ELAPOR1: variants seen among roughly 807,000 people sequenced by gnomAD.
ELAPOR1 encodes the protein endosome-lysosome associated apoptosis and autophagy regulator 1.
Under a neutral mutation model 119.7 loss-of-function variants are expected in ELAPOR1, and 77 were observed. The observed-to-expected ratio is 0.64, with a 90% CI of 0.54 to 0.78. ELAPOR1 has a LOEUF of 0.78. ELAPOR1 is among the 30% of genes least tolerant of loss of function. The pLI, the probability that ELAPOR1 is intolerant of heterozygous loss-of-function variation, is 0.00. For synonymous variants in ELAPOR1, 481 were observed against 487.2 expected (o/e 0.99, Z 0.17); for missense variants, 1,115 against 1,270.4 (o/e 0.88, Z 1.86).
At chr1:109,177,020 T>G (rs75851782) in intron 7 of ELAPOR1, among the ~76,000 whole-genome samples, 28,576 of 120,246 alleles carry the variant, frequency 0.24, 3,443 homozygotes, top group East Asian at 0.46. Context: ...TACACAGACA[T>G]GGCAACCATC....
At chr1:109,114,363 G>T in intron 1 of ELAPOR1, 27 bp downstream of exon 1, 2 of 1,544,032 alleles carry the variant, frequency 1.3e-6, no homozygotes, top group African/African-American at 1.4e-5. Context: ...ACCCGATCCC[G>T]CTTTGGTCAC....
intron 7 of ELAPOR1, among the ~76,000 whole-genome samples, chr1:109,175,826 CAAAAAAAA>C (rs55824923): frequency 3.4e-5 from 3 of 88,452 alleles, no homozygotes; most frequent in African/African-American, 4.6e-5. Flanking sequence ...GACTCAGTCT[CAAAAAAAA>C]AAAAAAAAAA....
intron 1 of ELAPOR1, among the ~76,000 whole-genome samples, chr1:109,144,061 A>ATATATTTTTTTT: frequency 2.2e-5 from 2 of 89,016 alleles, no homozygotes; most frequent in Non-Finnish European, 4.2e-5. Context: ...ATATTTATAT[A>ATATATTTTTTTT]TTTTTTTTTT....
At chr1:109,149,345 CATA>C (rs1650385426) in intron 1 of ELAPOR1, among the ~76,000 whole-genome samples, 1 of 151,298 alleles carries the variant, frequency 6.6e-6, no homozygotes, top group Non-Finnish European at 1.5e-5. Context: ...CTTGCCTAAA[CATA>C]ATGCCCTAAT....
chr1:109,200,332 G>GTAGCCAACTCCAGA, intron 20 of ELAPOR1, 95 bp downstream of exon 20: 1 of 1,434,888 alleles, frequency 7.0e-7, no homozygotes, highest in Non-Finnish European at 9.6e-7. Context: ...GTTTTTCTCT[G>GTAGCCAACTCCAGA]GAGTTGGCTA....
intron 14 of ELAPOR1, among the ~76,000 whole-genome samples, chr1:109,194,027 G>A (rs1653618504): frequency 6.6e-6 from 1 of 152,180 alleles, no homozygotes; most frequent in Admixed American, 6.5e-5. Context: ...TGAGGAGGGA[G>A]CAAGAAAAGT....
chr1:109,198,120 C>G (rs1358589603), intron 17 of ELAPOR1, 45 bp downstream of exon 17: 2 of 1,467,132 alleles, frequency 1.4e-6, no homozygotes, highest in East Asian at 4.5e-5. Flanking sequence ...CCTAGGACTC[C>G]TCCATAATTT....
intron 3 of ELAPOR1, among the ~76,000 whole-genome samples, chr1:109,165,217 A>T (rs1651511713): frequency 6.6e-6 from 1 of 152,090 alleles, no homozygotes; most frequent in Non-Finnish European, 1.5e-5. Flanking sequence ...ACTTGAGCCT[A>T]GGAGTTCAAG....
At chr1:109,160,217 G>A (rs1651158724) in intron 1 of ELAPOR1, among the ~76,000 whole-genome samples, 1 of 151,754 alleles carries the variant, frequency 6.6e-6, no homozygotes, top group Non-Finnish European at 1.5e-5. Context: ...TGAGGTGGGA[G>A]GATCACTTGA....
At chr1:109,150,245 A>G (rs1241988663) in intron 1 of ELAPOR1, among the ~76,000 whole-genome samples, 1 of 152,122 alleles carries the variant, frequency 6.6e-6, no homozygotes, top group African/African-American at 2.4e-5. Context: ...AGGCCCTGCC[A>G]GGGGGACCAG....
At position 109,200,794 on chromosome 1, in the gene ELAPOR1, C is replaced by A. The variant is rs1654120093; in HGVS notation, c.2867C>A (p.Pro956Gln). 1 of 1,614,066 alleles carries A rather than the reference C, an allele frequency of 6.2e-7. No homozygotes were observed. The highest frequency in any genetic ancestry group is 1.3e-5 in the African/African-American group (1 of 74,936). ...MNATLKDCDL[P>Q]AADSCAIMEG... ...GCTACTCTCAAGGACTGTGACCTGC[C>A]AGCAGCTGACAGCTGCGCCATCATG... The change falls in exon 21 of 22, where the codon CCA becomes CAA. Residue 956 changes from proline to glutamine, a missense_variant. Transcript: ENST00000369939.
chr1:109,160,285 T>C (rs1464301765), intron 1 of ELAPOR1, among the ~76,000 whole-genome samples: 3 of 150,174 alleles, frequency 2.0e-5, no homozygotes, highest in Non-Finnish European at 4.4e-5. Flanking sequence ...CCAGCCTGGG[T>C]GACAGAGCAA....
chr1:109,200,063 C>T lies in ELAPOR1; in HGVS notation c.2633C>T (p.Thr878Ile). 3.7e-6 allele frequency: 6 copies of T among 1,614,112 alleles called. No individual in the cohort carries two copies. Among genetic ancestry groups the T allele is most frequent in the Non-Finnish European group, 5.1e-6 (6 of 1,179,958 alleles). ...VSSCVAGIQK[T>I]TYVWREPKLC... is the part of the protein sequence containing the mutation. The stretch of plus-strand genomic sequence containing the variant: ...CCTTGTTTTTCTCCCCAACAGAAGA[C>T]TACTTACGTGTGGCGAGAACCCAAG... Residue 878 changes from threonine to isoleucine, a missense_variant, in exon 20 of 22, where the codon ACT becomes ATT. Transcript: ENST00000369939.
At chr1:109,163,807 A>G (rs1201402841) in intron 2 of ELAPOR1, among the ~76,000 whole-genome samples, 1 of 152,196 alleles carries the variant, frequency 6.6e-6, no homozygotes, top group Non-Finnish European at 1.5e-5. Flanking sequence ...TGAGAATTCC[A>G]CCTAGCATGG....
chr1:109,159,930 CA>C (rs1381463540), intron 1 of ELAPOR1, among the ~76,000 whole-genome samples: 1 of 152,128 alleles, frequency 6.6e-6, no homozygotes, highest in African/African-American at 2.4e-5. Flanking sequence ...ATTCTTGCAG[CA>C]AAACCCTTTT....
At chr1:109,120,223 C>T (rs1480784585) in intron 1 of ELAPOR1, among the ~76,000 whole-genome samples, 1 of 151,946 alleles carries the variant, frequency 6.6e-6, no homozygotes, top group Non-Finnish European at 1.5e-5. Flanking sequence ...CATGTTGAAA[C>T]CCTGTCTCTA....
intron 3 of ELAPOR1, among the ~76,000 whole-genome samples, chr1:109,170,718 T>G (rs1313252992): frequency 6.6e-6 from 1 of 152,194 alleles, no homozygotes; most frequent in African/African-American, 2.4e-5. Context: ...AGTGCCATGG[T>G]CAGACGTCTA....
At chr1:109,160,334 T>A (rs1317577553) in intron 1 of ELAPOR1, among the ~76,000 whole-genome samples, 1 of 151,586 alleles carries the variant, frequency 6.6e-6, no homozygotes, top group Non-Finnish European at 1.5e-5. Flanking sequence ...AGAAACTACA[T>A]CTTTACCATA....
chr1:109,177,056 T>C (rs973988702), intron 7 of ELAPOR1, among the ~76,000 whole-genome samples: 1 of 143,504 alleles, frequency 7.0e-6, no homozygotes, highest in Non-Finnish European at 1.5e-5. Context: ...TTCCCCACCT[T>C]TCCCCCCTTT....
Sources: allele counts gnomAD v4.1 joint callset (sites outside exome capture counted in the v4.1 genomes callset), GRCh38; gene constraint gnomAD v4.1.1; transcripts MANE v1.5; gene names NCBI Gene and HGNC (gene_info 2026-07-23, HGNC 2026-07-21).